The following GPR89B variants were observed in gnomAD, a reference collection of about 807,000 sequenced individuals.
The protein encoded by GPR89B is G protein-coupled receptor 89B.
GPR89B carries 25 observed loss-of-function variants against 52.4 expected under a neutral mutation model. The observed-to-expected ratio is 0.48, with a 90% confidence interval of 0.35 to 0.67. The LOEUF is 0.67. Ranked by LOEUF, GPR89B falls within the 30% of genes least tolerant of loss-of-function variation. The probability of loss-of-function intolerance (pLI) is 0.01; values close to 1 mark genes in which losing one functional copy is unlikely to be tolerated. For synonymous variants in GPR89B, 52 were observed against 151.2 expected (o/e 0.34, Z 4.81); for missense variants, 146 against 450.2 (o/e 0.32, Z 6.11).
chr1:147,949,694 G>T (rs192326616), intron 5 of GPR89B, among the ~76,000 whole-genome samples: 1 of 136,786 alleles, frequency 7.3e-6, no homozygotes, highest in Non-Finnish European at 1.6e-5. Context: ...CCTCCTTCGC[G>T]GACGGGGCAG....
the GPR89B span, among the ~76,000 whole-genome samples, chr1:148,007,033 T>C: frequency 5.9e-5 from 9 of 151,878 alleles, no homozygotes; most frequent in African/African-American, 2.2e-4. Flanking sequence ...CAGCTTCTCT[T>C]TGTCATATCT....
At chr1:147,988,598 C>G in intron 12 of GPR89B, 77 bp downstream of exon 12, 1 of 725,650 alleles carries the variant, frequency 1.4e-6, no homozygotes, top group Non-Finnish European at 2.3e-6. Context: ...GGTGTGGTGG[C>G]TCACGCCTGT....
the GPR89B span, among the ~76,000 whole-genome samples, chr1:148,007,434 A>G: frequency 6.6e-6 from 1 of 151,998 alleles, no homozygotes; most frequent in African/African-American, 2.4e-5. Context: ...TGTGTGTCAT[A>G]TTTTGATACC....
intron 1 of GPR89B, among the ~76,000 whole-genome samples, chr1:147,931,881 C>G (rs1334533320): frequency 2.6e-5 from 4 of 152,188 alleles, no homozygotes; most frequent in Non-Finnish European, 5.9e-5. Flanking sequence ...ATGATGGCCT[C>G]TAGCTGCATC....
At chr1:148,016,757 C>T in the GPR89B span, among the ~76,000 whole-genome samples, 6 of 151,416 alleles carry the variant, frequency 4.0e-5, no homozygotes, top group African/African-American at 1.2e-4. Flanking sequence ...AAAATAAATG[C>T]TTCCTTTCCT....
downstream of GPR89B, chr1:147,994,250 A>G: frequency 6.2e-7 from 1 of 1,602,154 alleles, no homozygotes; most frequent in South Asian, 1.1e-5. Context: ...TTCCTATTAA[A>G]TACCCAGAAA....
At chr1:147,949,665 C>CG (rs1259060639) in intron 5 of GPR89B, among the ~76,000 whole-genome samples, 2 of 126,968 alleles carry the variant, frequency 1.6e-5, no homozygotes, top group Admixed American at 1.5e-4. Flanking sequence ...GCTGGCCGGG[C>CG]GGGGGGCTGA....
chr1:147,987,377 G>A (rs1658742916), intron 11 of GPR89B, among the ~76,000 whole-genome samples: 1 of 150,196 alleles, frequency 6.7e-6, no homozygotes, highest in Non-Finnish European at 1.5e-5. Flanking sequence ...AAAATTAGCT[G>A]GACATGGTGG....
intron 12 of GPR89B, among the ~76,000 whole-genome samples, chr1:147,989,876 G>C (rs1658934983): frequency 6.6e-6 from 1 of 152,130 alleles, no homozygotes; most frequent in Non-Finnish European, 1.5e-5. Flanking sequence ...ATTGTGAATA[G>C]AGTATGTGAA....
chr1:147,950,802 G>T (rs1212366599), intron 5 of GPR89B, among the ~76,000 whole-genome samples: 1 of 152,152 alleles, frequency 6.6e-6, no homozygotes, highest in Non-Finnish European at 1.5e-5. Context: ...GCGTGGTGGC[G>T]CACGCCTGCA....
chr1:147,990,906 G>A (rs1659017686), intron 12 of GPR89B, among the ~76,000 whole-genome samples: 1 of 151,626 alleles, frequency 6.6e-6, no homozygotes, highest in Non-Finnish European at 1.5e-5. Context: ...TTGTTCTTTT[G>A]GCTTAGGATT....
At chr1:148,017,509 T>C in the GPR89B span, among the ~76,000 whole-genome samples, 1 of 148,856 alleles carries the variant, frequency 6.7e-6, no homozygotes, top group African/African-American at 2.5e-5. Flanking sequence ...CCGAGGTGGG[T>C]GGATCACGAG....
intron 12 of GPR89B, among the ~76,000 whole-genome samples, chr1:147,990,630 G>T (rs1658993596): frequency 6.6e-6 from 1 of 152,064 alleles, no homozygotes; most frequent in Non-Finnish European, 1.5e-5. Context: ...TTTGTATAAG[G>T]TGTAAGGAAG....
chr1:147,999,389 A>G, the GPR89B span, among the ~76,000 whole-genome samples: 1 of 149,802 alleles, frequency 6.7e-6, no homozygotes, highest in East Asian at 2.0e-4. Context: ...CGGGCGGATC[A>G]CAAGGTCAGG....
intron 5 of GPR89B, among the ~76,000 whole-genome samples, chr1:147,951,880 TC>T: frequency 6.6e-6 from 1 of 151,880 alleles, no homozygotes; most frequent in Non-Finnish European, 1.5e-5. Context: ...GCTACTTTGT[TC>T]TAAGGGAGAC....
chr1:147,928,605 C>G, intron 1 of GPR89B, 27 bp downstream of exon 1: 1 of 1,613,760 alleles, frequency 6.2e-7, no homozygotes, highest in Non-Finnish European at 8.5e-7. Flanking sequence ...CGCCCCGACA[C>G]CCGTCCGCCT....
At chr1:148,018,485 C>T in the GPR89B span, among the ~76,000 whole-genome samples, 23 of 149,854 alleles carry the variant, frequency 1.5e-4, no homozygotes, top group East Asian at 4.5e-3. Context: ...AGCAAAAACA[C>T]AGAAATCATA....
intron 12 of GPR89B, among the ~76,000 whole-genome samples, chr1:147,990,862 T>G (rs1212219915): frequency 6.6e-6 from 1 of 151,570 alleles, no homozygotes; most frequent in South Asian, 2.1e-4. Flanking sequence ...CCTTGTAGTA[T>G]AGCTTGAAGT....
At chr1:147,953,164 G>A (rs1412601755) in intron 5 of GPR89B, among the ~76,000 whole-genome samples, 181 bp from the exon 6 acceptor site, 2 of 151,082 alleles carry the variant, frequency 1.3e-5, no homozygotes, top group African/African-American at 4.9e-5. Flanking sequence ...GGGACAGGAG[G>A]AAAATCAGTA....
Sources: gnomAD v4.1 joint callset for allele counts (sites outside exome capture counted in the v4.1 genomes callset) on GRCh38, gnomAD v4.1.1 for gene constraint, MANE v1.5 for transcripts, NCBI Gene and HGNC (gene_info 2026-07-23, HGNC 2026-07-21) for gene names.